Variants in FREM2 observed in about 807,000 individuals in gnomAD.
The protein encoded by FREM2 is FRAS1-related extracellular matrix protein 2.
FREM2 carries 119 observed loss-of-function variants against 219.9 expected under a neutral mutation model. The ratio of observed to expected loss-of-function variants is 0.54; its 90% CI spans 0.47 to 0.63. The LOEUF is 0.63. FREM2 is among the 30% of genes least tolerant of loss of function. The probability of loss-of-function intolerance (pLI) is 0.00; values close to 1 mark genes in which losing one functional copy is unlikely to be tolerated. For missense variants in FREM2, 4,030 were observed against 3,993.6 expected (o/e 1.01, Z -0.25); for synonymous variants, 1,562 against 1,522.8 (o/e 1.03, Z -0.60).
chr13:38,738,575 A>T (rs1193203254), intron 2 of FREM2, among the ~76,000 whole-genome samples: 41 of 149,960 alleles, frequency 2.7e-4, no homozygotes, highest in African/African-American at 6.2e-4. Flanking sequence ...CAAAAAAAAA[A>T]AAAAAAAAAA....
intron 2 of FREM2, among the ~76,000 whole-genome samples, chr13:38,703,324 A>G (rs1452360133): frequency 2.0e-5 from 3 of 152,214 alleles, no homozygotes; most frequent in Admixed American, 6.5e-5. Flanking sequence ...ATTCTTGGCA[A>G]TAAAATTAAT....
At chr13:38,730,968 G>C (rs1224768874) in intron 2 of FREM2, among the ~76,000 whole-genome samples, 1 of 147,994 alleles carries the variant, frequency 6.8e-6, no homozygotes, top group Non-Finnish European at 1.5e-5. Context: ...CTTCCTCTTT[G>C]CTGAGAAATA....
chr13:38,848,508 G>T lies in FREM2; in HGVS notation c.6217G>T (p.Gly2073Ter). Residue 2073 changes from glycine (G) to a stop codon, truncating the protein, a stop_gained, in exon 8 of 24, where the codon GGA (glycine) becomes TGA (stop). Transcript: ENST00000280481. LOFTEE classifies it high-confidence loss of function. ...GISRNLDFAP[G>*]VNMQPVRVVI... ...CAGCCGTAATTTAGATTTTGCACCT[G>T]GAGTCAACATGCAGCCTGTTCGTGT... 1 of 1,614,034 alleles carries T rather than the reference G, an allele frequency of 6.2e-7. No individual in the cohort carries two copies. The highest frequency in any genetic ancestry group is 8.5e-7 in the Non-Finnish European group (1 of 1,179,936).
chr13:38,718,549 C>A (rs17305529), intron 2 of FREM2, among the ~76,000 whole-genome samples: 2,003 of 152,268 alleles, frequency 0.013, 26 homozygotes, highest in Non-Finnish European at 0.02. Context: ...TCTACTAGCT[C>A]AGAAGTCAAT....
At chr13:38,706,397 C>T (rs952298943) in intron 2 of FREM2, among the ~76,000 whole-genome samples, 1 of 152,128 alleles carries the variant, frequency 6.6e-6, no homozygotes, top group African/African-American at 2.4e-5. Flanking sequence ...CCAGATGCCC[C>T]ATTTAGTCAA....
chr13:38,767,063 C>A (rs1206645746), intron 3 of FREM2, among the ~76,000 whole-genome samples: 6 of 152,164 alleles, frequency 3.9e-5, no homozygotes, highest in Non-Finnish European at 8.8e-5. Flanking sequence ...TAAAGTTAGC[C>A]AGCTAGTAAG....
intron 2 of FREM2, among the ~76,000 whole-genome samples, chr13:38,730,627 AC>A (rs1871726635): frequency 6.6e-6 from 1 of 152,078 alleles, no homozygotes; most frequent in Admixed American, 6.6e-5. Flanking sequence ...CAGGCAGCTC[AC>A]CCTCACTCCC....
chr13:38,855,368 T>G (rs949361861), intron 11 of FREM2, among the ~76,000 whole-genome samples: 3 of 152,216 alleles, frequency 2.0e-5, no homozygotes. Flanking sequence ...GTAAATCCCA[T>G]TCACACTCTA....
At chr13:38,779,295 G>C (rs1874013366) in intron 4 of FREM2, 1 of 151,978 alleles carries the variant, frequency 6.6e-6, no homozygotes. Flanking sequence ...TTAAAACCTA[G>C]ATGACAGGTT....
intron 17 of FREM2, among the ~76,000 whole-genome samples, chr13:38,874,166 A>G (rs1878263905): frequency 6.6e-6 from 1 of 152,188 alleles, no homozygotes; most frequent in Non-Finnish European, 1.5e-5. Flanking sequence ...TCATTTTGAC[A>G]ATTTTGTCAT....
intron 6 of FREM2, among the ~76,000 whole-genome samples, chr13:38,824,497 T>C (rs759510355): frequency 6.6e-6 from 1 of 152,138 alleles, no homozygotes; most frequent in Non-Finnish European, 1.5e-5. Flanking sequence ...GATAGAGTTA[T>C]TACTCAAATC....
intron 6 of FREM2, among the ~76,000 whole-genome samples, chr13:38,801,535 G>T (rs1173307966): frequency 6.6e-6 from 1 of 152,090 alleles, no homozygotes; most frequent in Non-Finnish European, 1.5e-5. Flanking sequence ...GTTGGAGAGG[G>T]TGCATTACCT....
chr13:38,705,803 T>C (rs1459086677), intron 2 of FREM2, among the ~76,000 whole-genome samples: 1 of 152,176 alleles, frequency 6.6e-6, no homozygotes, highest in East Asian at 1.9e-4. Context: ...TTTTCTTTCT[T>C]TATTTCCCCT....
intron 1 of FREM2, among the ~76,000 whole-genome samples, chr13:38,696,180 T>C (rs1164392952): frequency 6.6e-6 from 1 of 152,190 alleles, no homozygotes; most frequent in Non-Finnish European, 1.5e-5. Context: ...TCAAGCGACT[T>C]AGGCATGTTT....
intron 6 of FREM2, among the ~76,000 whole-genome samples, chr13:38,838,421 T>C (rs563238919): frequency 6.6e-6 from 1 of 152,338 alleles, no homozygotes; most frequent in African/African-American, 2.4e-5. Context: ...CCTTGGTGAA[T>C]CTGAAGATTA....
intron 2 of FREM2, among the ~76,000 whole-genome samples, 199 bp downstream of exon 2, chr13:38,697,986 G>T (rs1870187066): frequency 6.6e-6 from 1 of 152,154 alleles, no homozygotes; most frequent in Non-Finnish European, 1.5e-5. Flanking sequence ...AAAAGTTCTA[G>T]TTATATCACT....
In FREM2 at chr13:38,886,105, A is replaced by G. The variant is rs574569349; in HGVS notation, c.*5318A>G. ...ATCCTCTCAGATAAGAATTGTCAGT[A>G]TTGCACCTCAAGAAAGAAGAAAAAA... On this transcript the variant is annotated 3_prime_UTR_variant, in exon 24 of 24. Coordinates refer to ENST00000280481, the MANE Select transcript of FREM2 (RefSeq NM_207361.6). The G allele has an allele frequency of 7.9e-5, 12 of 152,282 alleles. No homozygotes were observed. The highest frequency in any genetic ancestry group is 2.2e-4 in the African/African-American group (9 of 41,562). The allele number at this position is 152,282 out of a possible 1,614,324, so 9.4% of individuals were successfully genotyped here. A position where few individuals can be genotyped will look rare whatever the true frequency, so the allele number is the denominator to read the frequency against.
In FREM2 at chr13:38,689,547, G is replaced by C; in HGVS notation, c.2203G>C (p.Asp735His). Residue 735 changes from aspartate to histidine, a missense_variant, in exon 1 of 24, where the codon GAC becomes CAC. This residue lies in a region of FREM2 where 3,102 missense variants were observed against 2,950.7 expected (regional missense o/e 1.05). Transcript: ENST00000280481. ...GCGCTACACTGACCTGGACACAGAT[G>C]ACCGAGAACTACGTTACACAGTGAC... The part of the protein sequence containing the change: ...WLRYTDLDTD[D>H]RELRYTVTQP... The C allele has an allele frequency of 2.5e-6, 4 of 1,613,774 alleles. No individual in the cohort carries two copies. Among genetic ancestry groups the C allele is most frequent in the Non-Finnish European group, 3.4e-6 (4 of 1,179,846 alleles).
At chr13:38,865,812 C>G (rs1334815967) in intron 16 of FREM2, among the ~76,000 whole-genome samples, 1 of 152,164 alleles carries the variant, frequency 6.6e-6, no homozygotes, top group Non-Finnish European at 1.5e-5. Flanking sequence ...TGGAATCAAG[C>G]AAATGCTGAC....
Sources: allele counts gnomAD v4.1 joint callset (sites outside exome capture counted in the v4.1 genomes callset), GRCh38; gene constraint gnomAD v4.1.1; regional missense constraint gnomAD v4.1.1; transcripts MANE v1.5; gene names NCBI Gene and HGNC (gene_info 2026-07-23, HGNC 2026-07-21).